Variants in SYNE1 observed in about 807,000 individuals in gnomAD.
SYNE1 encodes the protein nesprin-1.
SYNE1 carries 616 observed loss-of-function variants against 1,111.0 expected under a neutral mutation model. That is an observed-to-expected ratio of 0.55 (90% confidence interval 0.52 to 0.59). The LOEUF (loss-of-function observed/expected upper bound fraction) is 0.59, where lower values mean the gene tolerates loss of function less well. SYNE1 is among the 20% of genes least tolerant of loss of function. The pLI, the probability that SYNE1 is intolerant of heterozygous loss-of-function variation, is 0.00. For synonymous variants in SYNE1, 3,855 were observed against 3,825.8 expected (o/e 1.01, Z -0.28); for missense variants, 10,006 against 10,417.0 (o/e 0.96, Z 1.72).
At chr6:152,434,170 T>C (rs2098453251) in intron 33 of SYNE1, 2 of 545,816 alleles carry the variant, frequency 3.7e-6, no homozygotes, top group Middle Eastern at 5.1e-4. Flanking sequence ...ATCTACACTT[T>C]GAGTGAAACT....
chr6:152,218,889 T>G (rs2153456206), intron 120 of SYNE1, 114 bp downstream of exon 120: 1 of 1,126,740 alleles, frequency 8.9e-7, no homozygotes, highest in East Asian at 2.4e-5. Flanking sequence ...CTTGCTATTT[T>G]CTTGAGTCTT....
chr6:152,299,930 A>G (rs1201554416), intron 93 of SYNE1, among the ~76,000 whole-genome samples: 1 of 152,174 alleles, frequency 6.6e-6, no homozygotes, highest in Non-Finnish European at 1.5e-5. Context: ...AACATGCATT[A>G]AAAGTCTTTG....
chr6:152,571,594 T>A (rs2099458776), intron 3 of SYNE1, among the ~76,000 whole-genome samples: 3 of 152,104 alleles, frequency 2.0e-5, no homozygotes, highest in Non-Finnish European at 4.4e-5. Flanking sequence ...GAAGAAAGCA[T>A]GCAAATTAAC....
At chr6:152,247,248 G>A (rs2087458197) in intron 105 of SYNE1, among the ~76,000 whole-genome samples, 1 of 152,124 alleles carries the variant, frequency 6.6e-6, no homozygotes, top group Non-Finnish European at 1.5e-5. Context: ...GCCCTCTGCT[G>A]TTATTGCCTT....
At chr6:152,325,011 C>CA in intron 81 of SYNE1, 73 bp downstream of exon 81, 2 of 1,557,708 alleles carry the variant, frequency 1.3e-6, no homozygotes, top group South Asian at 1.1e-5. Flanking sequence ...CAAAAAGGGG[C>CA]AAAATACTGT....
At chr6:152,379,060 A>G (rs1054879889) in intron 56 of SYNE1, among the ~76,000 whole-genome samples, 1 of 152,222 alleles carries the variant, frequency 6.6e-6, no homozygotes, top group African/African-American at 2.4e-5. Flanking sequence ...AGAACATTGT[A>G]AGAACTAAAG....
chr6:152,213,512 T>C, intron 123 of SYNE1, 100 bp downstream of exon 123: 2 of 1,348,300 alleles, frequency 1.5e-6, no homozygotes, highest in Admixed American at 3.4e-5. Flanking sequence ...TAGACACTCG[T>C]GCAAAGGGCA....
At chr6:152,353,170 G>T in intron 69 of SYNE1, 93 bp downstream of exon 69, 1 of 1,488,974 alleles carries the variant, frequency 6.7e-7, no homozygotes, top group Non-Finnish European at 9.4e-7. Context: ...TAATGGTTGG[G>T]ATGATCACCT....
chr6:152,341,356 G>A (rs1467196114), intron 74 of SYNE1, among the ~76,000 whole-genome samples: 1 of 152,168 alleles, frequency 6.6e-6, no homozygotes, highest in African/African-American at 2.4e-5. Flanking sequence ...TTATATAGTT[G>A]ATCTGATTCC....
intron 38 of SYNE1, 80 bp downstream of exon 38, chr6:152,427,613 A>G (rs776367134): frequency 2.8e-5 from 42 of 1,526,362 alleles, no homozygotes; most frequent in Non-Finnish European, 3.7e-5. Flanking sequence ...GTACAAGTTT[A>G]TTTATTTTAT....
intron 128 of SYNE1, among the ~76,000 whole-genome samples, chr6:152,183,523 C>T (rs1019026402): frequency 7.9e-5 from 12 of 152,096 alleles, no homozygotes; most frequent in African/African-American, 2.7e-4. Flanking sequence ...ATCGCTTGAG[C>T]CCGGGAGGCG....
At chr6:152,377,621 AAAAAAAAAAAAAAAAAAAAATATAT>A (rs1011899236) in intron 56 of SYNE1, among the ~76,000 whole-genome samples, 2 of 99,692 alleles carry the variant, frequency 2.0e-5, no homozygotes, top group African/African-American at 9.3e-5. Flanking sequence ...AAAAAAAAAA[AAAAAAAAAAAAAAAAAAAAATATAT>A]ATATATATAT....
rs118049978 is a variant in SYNE1, at chr6:152,371,328, C to T, written c.9507+1709G>A. On this transcript the variant is annotated intron_variant, in intron 59 of 145. Transcript: ENST00000367255. The stretch of plus-strand genomic sequence containing the variant: ...TGACAGTTTTATAATGGACTTTTCC[C>T]GCTTTGGCTCATACTTCTCCTTCCT... Among the ~76,000 whole-genome samples, 91 of 151,882 alleles carry T rather than the reference C, an allele frequency of 6.0e-4. 1 individual carries two copies. The East Asian group carries it at 8.9e-3, about 15-fold the overall frequency.
chr6:152,262,691 G>A (rs1192751752), intron 100 of SYNE1, among the ~76,000 whole-genome samples: 1 of 152,080 alleles, frequency 6.6e-6, no homozygotes, highest in Non-Finnish European at 1.5e-5. Flanking sequence ...ACAGGGCATG[G>A]AGGGATAGTA....
chr6:152,346,918 T>C, intron 73 of SYNE1, 141 bp downstream of exon 73: 2 of 963,840 alleles, frequency 2.1e-6, no homozygotes, highest in Middle Eastern at 3.3e-4. Context: ...ACTGTGAAAT[T>C]TATCCTCGTA....
chr6:152,612,124 G>C (rs1032273315), intron 3 of SYNE1, among the ~76,000 whole-genome samples: 2 of 151,048 alleles, frequency 1.3e-5, no homozygotes, highest in African/African-American at 4.9e-5. Context: ...AAAGCAAGCA[G>C]AAGGCAAGAA....
intron 88 of SYNE1, 33 bp downstream of exon 88, chr6:152,310,655 T>A: frequency 1.2e-6 from 2 of 1,610,522 alleles, no homozygotes; most frequent in Non-Finnish European, 1.7e-6. Flanking sequence ...TGATAGACAT[T>A]TTTTTCTGTT....
chr6:152,549,187 T>C (rs748388936), intron 3 of SYNE1, among the ~76,000 whole-genome samples: 6 of 152,180 alleles, frequency 3.9e-5, no homozygotes, highest in Non-Finnish European at 1.5e-5. Flanking sequence ...ACCTCCTCTC[T>C]CTCACATCCA....
Position 152,219,138 on chromosome 6 carries a change from G to C in SYNE1, c.21909C>G (p.Leu7303=), listed in dbSNP as rs765804480. Residue 7303 remains leucine (L), a synonymous_variant, in exon 120 of 146, where the codon CTC becomes CTG. Transcript: ENST00000367255. ...GCTTCAGTTGCTCTCCCAGCTCATG[G>C]AGAAAAAAGAGGGAATCTTTAACTG... ...LGTVKDSLFF[L]HELGEQLKQQ... is the part of the protein sequence containing the mutation. The C allele has an allele frequency of 3.7e-6, 6 of 1,613,966 alleles. No individual in the cohort carries two copies. The Admixed American group carries it at 8.3e-5, about 22-fold the overall frequency.
Sources: gnomAD v4.1 joint callset for allele counts (sites outside exome capture counted in the v4.1 genomes callset) on GRCh38, gnomAD v4.1.1 for gene constraint, MANE v1.5 for transcripts, NCBI Gene and HGNC (gene_info 2026-07-23, HGNC 2026-07-21) for gene names.